Variants in SLC25A13 observed in about 807,000 individuals in gnomAD.
SLC25A13 encodes the protein solute carrier family 25 member 13.
In SLC25A13, 70 loss-of-function variants were observed where a neutral mutation model predicts 85.5. That is an observed-to-expected ratio of 0.82 (90% CI 0.68 to 1.00). The LOEUF (loss-of-function observed/expected upper bound fraction) is 1.00, where lower values mean the gene tolerates loss of function less well. SLC25A13 is among the 50% of genes least tolerant of loss of function. The probability of loss-of-function intolerance (pLI) is 0.00; values close to 1 mark genes in which losing one functional copy is unlikely to be tolerated. For synonymous variants in SLC25A13, 259 were observed against 288.7 expected (o/e 0.90, Z 1.04); for missense variants, 765 against 819.8 (o/e 0.93, Z 0.82).
intron 2 of SLC25A13, among the ~76,000 whole-genome samples, chr7:96,286,611 A>T (rs1432338458): frequency 6.6e-6 from 1 of 152,160 alleles, no homozygotes; most frequent in African/African-American, 2.4e-5. Context: ...AATCCTGTAC[A>T]CTACTTATCA....
chr7:96,214,097 A>G (rs1279392399), intron 4 of SLC25A13, among the ~76,000 whole-genome samples: 2 of 152,172 alleles, frequency 1.3e-5, no homozygotes, highest in South Asian at 2.1e-4. Context: ...TTTCTCCACA[A>G]AAGTTTCCAT....
rs151111886 is a variant in SLC25A13 at position 96,273,175 on chromosome 7, C to G, written c.212+4021G>C. ...TTGAATCAGACAATGAGGAAACAATCAGACAAGTCCAGAATGCAGGACCTT... is the reference window on the plus strand; with the variant it reads ...TTGAATCAGACAATGAGGAAACAATGAGACAAGTCCAGAATGCAGGACCTT... On this transcript the variant is annotated intron_variant, in intron 3 of 17. Transcript: ENST00000265631. 5.9e-5 allele frequency among the ~76,000 whole-genome samples: 9 copies of G among 152,294 alleles called. No individual in the cohort carries two copies. The East Asian group carries it at 1.7e-3, about 29-fold the overall frequency.
chr7:96,314,799 C>T (rs745568431), intron 1 of SLC25A13, among the ~76,000 whole-genome samples: 1 of 152,164 alleles, frequency 6.6e-6, no homozygotes, highest in Non-Finnish European at 1.5e-5. Context: ...TCTAAAAGAA[C>T]TCAATATCCA....
At chr7:96,270,503 T>C (rs1193063672) in intron 3 of SLC25A13, among the ~76,000 whole-genome samples, 1 of 150,924 alleles carries the variant, frequency 6.6e-6, no homozygotes, top group Non-Finnish European at 1.5e-5. Context: ...TGCAATGATC[T>C]GAGATCGTGC....
intron 14 of SLC25A13, among the ~76,000 whole-genome samples, chr7:96,140,673 G>C (rs964342888): frequency 1.3e-5 from 2 of 151,704 alleles, no homozygotes; most frequent in Non-Finnish European, 2.9e-5. Flanking sequence ...ACAGTGCTGG[G>C]ATTACAGGCG....
intron 2 of SLC25A13, among the ~76,000 whole-genome samples, chr7:96,293,047 A>AACCAAAACAGCACGGTACTGGT (rs1397333590): frequency 1.3e-5 from 2 of 152,256 alleles, no homozygotes; most frequent in Non-Finnish European, 2.9e-5. Flanking sequence ...AAGCTACAGT[A>AACCAAAACAGCACGGTACTGGT]ACCAAAACAG....
At chr7:96,232,265 A>C (rs1424054290) in intron 4 of SLC25A13, among the ~76,000 whole-genome samples, 1 of 151,732 alleles carries the variant, frequency 6.6e-6, no homozygotes, top group Non-Finnish European at 1.5e-5. Flanking sequence ...TAAAAAAAAC[A>C]ACGAGATCAT....
chr7:96,303,569 C>T (rs1218124005), intron 1 of SLC25A13, among the ~76,000 whole-genome samples: 1 of 152,202 alleles, frequency 6.6e-6, no homozygotes, highest in African/African-American at 2.4e-5. Context: ...AAGGCTGAAA[C>T]TACAATTCCC....
intron 3 of SLC25A13, among the ~76,000 whole-genome samples, chr7:96,239,065 A>ATATATATATATG (rs1392985826): frequency 1.7e-4 from 22 of 132,050 alleles, no homozygotes; most frequent in African/African-American, 6.4e-4. Context: ...ATATATATAT[A>ATATATATATATG]TATGTATGTA....
At chr7:96,123,213 A>T (rs193223965) in intron 15 of SLC25A13, among the ~76,000 whole-genome samples, 1 of 152,314 alleles carries the variant, frequency 6.6e-6, no homozygotes, top group African/African-American at 2.4e-5. Context: ...GATAAGTCAT[A>T]CTGAAATTCC....
chr7:96,193,883 G>T (rs1019326093), intron 5 of SLC25A13, among the ~76,000 whole-genome samples: 4 of 152,134 alleles, frequency 2.6e-5, no homozygotes, highest in African/African-American at 9.7e-5. Flanking sequence ...GTGGATCAGG[G>T]GAGGTAAACC....
chr7:96,270,337 C>T (rs549092074), intron 3 of SLC25A13, among the ~76,000 whole-genome samples: 37 of 152,154 alleles, frequency 2.4e-4, no homozygotes, highest in Non-Finnish European at 4.1e-4. Context: ...AGGTGGGCTG[C>T]TTGAGATCAG....
At chr7:96,141,021 T>C (rs1792537424) in intron 14 of SLC25A13, among the ~76,000 whole-genome samples, 1 of 136,764 alleles carries the variant, frequency 7.3e-6, no homozygotes, top group Admixed American at 7.1e-5. Context: ...TTTTCTTTCT[T>C]TTTTTTTTTT....
At chr7:96,175,885 C>T (rs1266223325) in intron 11 of SLC25A13, among the ~76,000 whole-genome samples, 6 of 152,158 alleles carry the variant, frequency 3.9e-5, no homozygotes, top group African/African-American at 1.4e-4. Context: ...AGCACAAATC[C>T]ATTCCTAAGA....
intron 3 of SLC25A13, among the ~76,000 whole-genome samples, chr7:96,238,508 G>T (rs1186017134): frequency 2.0e-5 from 3 of 152,114 alleles, no homozygotes; most frequent in Admixed American, 6.5e-5. Context: ...TTAAAGAAAG[G>T]TTACTTAAAG....
intron 11 of SLC25A13, among the ~76,000 whole-genome samples, chr7:96,181,130 C>T (rs1794405121): frequency 6.6e-6 from 1 of 152,156 alleles, no homozygotes; most frequent in Non-Finnish European, 1.5e-5. Flanking sequence ...AAGTAGTTTG[C>T]ACTGTAGAGA....
At chr7:96,310,656 T>A (rs371278624) in intron 1 of SLC25A13, among the ~76,000 whole-genome samples, 1 of 152,248 alleles carries the variant, frequency 6.6e-6, no homozygotes, top group African/African-American at 2.4e-5. Context: ...CAATTATTAC[T>A]TGCAGGTGGC....
chr7:96,231,351 T>G (rs1307473126), intron 4 of SLC25A13, among the ~76,000 whole-genome samples: 1 of 152,064 alleles, frequency 6.6e-6, no homozygotes, highest in East Asian at 1.9e-4. Context: ...TTTTGCAAAC[T>G]ATGCATCTGA....
Position 96,121,643 on chromosome 7 carries a change from C to G in SLC25A13, c.1841+12G>C. ...AGCCAAAATTTAGCAGCAGATTTAG[C>G]ATGATACTTACACTCCTCCAAAATC... On this transcript the variant is annotated intron_variant, in intron 17 of 17. Coordinates refer to ENST00000265631, the MANE Select transcript of SLC25A13 (RefSeq NM_014251.3). The G allele has an allele frequency of 6.2e-7, 1 of 1,613,702 alleles. No homozygotes were observed.
Sources: gnomAD v4.1 joint callset for allele counts (sites outside exome capture counted in the v4.1 genomes callset) on GRCh38, gnomAD v4.1.1 for gene constraint, MANE v1.5 for transcripts, NCBI Gene and HGNC (gene_info 2026-07-23, HGNC 2026-07-21) for gene names.